Variants in DNER observed in about 807,000 individuals in gnomAD.
The protein encoded by DNER is delta and Notch-like epidermal growth factor-related receptor.
A neutral mutation model predicts 78.2 loss-of-function variants in DNER; 33 were observed. That is an observed-to-expected ratio of 0.42 (90% CI 0.32 to 0.56). The LOEUF (loss-of-function observed/expected upper bound fraction) is 0.56, where lower values mean the gene tolerates loss of function less well. DNER is among the 20% of genes least tolerant of loss of function. DNER has a pLI of 0.11. For missense variants in DNER, 918 were observed against 975.3 expected, an observed-to-expected ratio of 0.94 and a Z score of 0.78; for synonymous variants, 417 against 384.8, an observed-to-expected ratio of 1.08 and a Z score of -0.98.
chr2:229,537,218 A>AC (rs926939907), intron 5 of DNER, among the ~76,000 whole-genome samples: 2 of 151,784 alleles, frequency 1.3e-5, no homozygotes, highest in African/African-American at 4.8e-5. Flanking sequence ...CATAAGGTCA[A>AC]CCCCCGACCC....
chr2:229,363,344 T>G (rs1224847794), intron 12 of DNER, among the ~76,000 whole-genome samples: 3 of 152,202 alleles, frequency 2.0e-5, no homozygotes, highest in Non-Finnish European at 4.4e-5. Context: ...ATAGTAGCAG[T>G]GAGACAGCCC....
At chr2:229,478,521 G>T (rs1012639761) in intron 6 of DNER, among the ~76,000 whole-genome samples, 3 of 152,100 alleles carry the variant, frequency 2.0e-5, no homozygotes, top group Admixed American at 6.5e-5. Context: ...TAAGACAAGC[G>T]CATGAACTAA....
At position 229,630,519 on chromosome 2, in the gene DNER, AAT is replaced by A. The variant is rs1325358746; in HGVS notation, c.277-38633_277-38632del. On this transcript the variant is annotated intron_variant, in intron 1 of 12. Coordinates refer to ENST00000341772, the MANE Select transcript of DNER (RefSeq NM_139072.4). ...TAATAATAATAATAATAATAATAAT[AAT>A]AAAATCTTCTGGCAGATGTTTAAAA... 6.4e-4 allele frequency among the ~76,000 whole-genome samples: 94 copies of A among 146,548 alleles called. 2 individuals carry two copies. The highest frequency in any genetic ancestry group is 2.4e-3 in the African/African-American group (94 of 38,556).
At chr2:229,429,702 A>G (rs1693964704) in intron 8 of DNER, among the ~76,000 whole-genome samples, 1 of 152,222 alleles carries the variant, frequency 6.6e-6, no homozygotes, top group South Asian at 2.1e-4. Flanking sequence ...AGAGAAGCAC[A>G]ATAGCACCAG....
At chr2:229,469,453 A>G (rs1006092479) in intron 7 of DNER, among the ~76,000 whole-genome samples, 19 of 152,222 alleles carry the variant, frequency 1.2e-4, no homozygotes, top group Admixed American at 4.6e-4. Flanking sequence ...GCATATTCAC[A>G]GCTCCGTTAA....
chr2:229,363,249 C>T (rs747375253), intron 12 of DNER, among the ~76,000 whole-genome samples: 8 of 152,246 alleles, frequency 5.3e-5, no homozygotes, highest in Non-Finnish European at 1.2e-4. Flanking sequence ...TCACCCGACA[C>T]AGCCTCAGTC....
At chr2:229,374,122 C>A (rs1347348756) in intron 11 of DNER, among the ~76,000 whole-genome samples, 2 of 151,912 alleles carry the variant, frequency 1.3e-5, no homozygotes, top group African/African-American at 2.4e-5. Flanking sequence ...GAGCTGAGAT[C>A]GCACCAGTGA....
intron 10 of DNER, among the ~76,000 whole-genome samples, chr2:229,396,243 G>A (rs1693138063): frequency 1.3e-5 from 2 of 152,136 alleles, no homozygotes; most frequent in South Asian, 4.1e-4. Context: ...AAAAGTAAGT[G>A]CTTCAGACAA....
intron 5 of DNER, among the ~76,000 whole-genome samples, chr2:229,527,730 T>G (rs908797847): frequency 6.6e-6 from 1 of 152,236 alleles, no homozygotes; most frequent in Admixed American, 6.5e-5. Flanking sequence ...TAATAACTTT[T>G]TTTTAAGTTA....
intron 5 of DNER, among the ~76,000 whole-genome samples, chr2:229,519,861 C>G (rs1423939455): frequency 6.6e-6 from 1 of 152,170 alleles, no homozygotes; most frequent in Non-Finnish European, 1.5e-5. Flanking sequence ...GTCAGGCTGC[C>G]TTCATCAGCT....
intron 4 of DNER, among the ~76,000 whole-genome samples, chr2:229,584,758 G>A (rs535084809): frequency 7.1e-4 from 108 of 152,076 alleles, no homozygotes; most frequent in African/African-American, 9.6e-4. Context: ...GTGAAACCCC[G>A]TCTCTACTAA....
intron 1 of DNER, among the ~76,000 whole-genome samples, chr2:229,631,891 C>A (rs1401691286): frequency 6.6e-6 from 1 of 152,196 alleles, no homozygotes; most frequent in African/African-American, 2.4e-5. Context: ...ATTAAACGAG[C>A]TAACAAAAGT....
chr2:229,380,878 T>C (rs535411052), intron 11 of DNER, among the ~76,000 whole-genome samples: 1 of 151,814 alleles, frequency 6.6e-6, no homozygotes, highest in African/African-American at 2.4e-5. Flanking sequence ...TGAGCTGAGA[T>C]CATACCACTG....
At chr2:229,389,419 T>C (rs1018729041) in intron 10 of DNER, among the ~76,000 whole-genome samples, 5 of 151,390 alleles carry the variant, frequency 3.3e-5, no homozygotes, top group Admixed American at 2.6e-4. Flanking sequence ...ATATTTCAAA[T>C]TGAGGCACTC....
intron 6 of DNER, among the ~76,000 whole-genome samples, chr2:229,481,040 T>C (rs12463621): frequency 0.12 from 18,998 of 152,070 alleles, 1,327 homozygotes; most frequent in South Asian, 0.2. Flanking sequence ...CACTGAGCAT[T>C]CTCAGCTGCA....
chr2:229,392,687 T>C, intron 10 of DNER, among the ~76,000 whole-genome samples: 1 of 152,106 alleles, frequency 6.6e-6, no homozygotes, highest in East Asian at 1.9e-4. Flanking sequence ...GTACAGTCAG[T>C]GAAGCCACAA....
chr2:229,493,803 T>C (rs1333015828), intron 6 of DNER, among the ~76,000 whole-genome samples: 2 of 152,222 alleles, frequency 1.3e-5, no homozygotes, highest in Non-Finnish European at 2.9e-5. Flanking sequence ...AGACTTGTTC[T>C]AATCTCTTTG....
chr2:229,554,590 G>T (rs1696811895), intron 4 of DNER, among the ~76,000 whole-genome samples: 1 of 152,214 alleles, frequency 6.6e-6, no homozygotes, highest in Admixed American at 6.5e-5. Flanking sequence ...TACTTGGGAG[G>T]CAGAGGCAAA....
intron 9 of DNER, among the ~76,000 whole-genome samples, chr2:229,416,125 G>A (rs547545212): frequency 1.3e-5 from 2 of 152,274 alleles, no homozygotes; most frequent in Admixed American, 1.3e-4. Flanking sequence ...CCATCGCTCA[G>A]GCAGAAGCAG....
Sources: gnomAD v4.1 joint callset for allele counts (sites outside exome capture counted in the v4.1 genomes callset) on GRCh38, gnomAD v4.1.1 for gene constraint, MANE v1.5 for transcripts, NCBI Gene and HGNC (gene_info 2026-07-23, HGNC 2026-07-21) for gene names.